Variants in MEF2B observed in about 807,000 individuals in gnomAD.
MEF2B encodes the protein myocyte-specific enhancer factor 2B.
MEF2B carries 15 observed loss-of-function variants against 32.2 expected under a neutral mutation model. That is an observed-to-expected ratio of 0.47 (90% CI 0.31 to 0.72). MEF2B has a LOEUF of 0.72. Among genes scored for constraint, MEF2B ranks in the 30% least tolerant of loss-of-function variants. The probability of loss-of-function intolerance (pLI) is 0.05; values close to 1 mark genes in which losing one functional copy is unlikely to be tolerated. For synonymous variants in MEF2B, 205 were observed against 225.6 expected, an observed-to-expected ratio of 0.91 and a Z score of 0.82; for missense variants, 441 against 511.5, an observed-to-expected ratio of 0.86 and a Z score of 1.33.
intron 1 of MEF2B, among the ~76,000 whole-genome samples, chr19:19,161,198 T>G (rs138593590): frequency 0.014 from 2,104 of 152,146 alleles, 51 homozygotes; most frequent in African/African-American, 0.048. Flanking sequence ...TCAGAAGGCC[T>G]TGGGGTCACC....
chr19:19,153,132 G>GAGC (rs2060096721), intron 1 of MEF2B, among the ~76,000 whole-genome samples: 1 of 152,184 alleles, frequency 6.6e-6, no homozygotes, highest in African/African-American at 2.4e-5. Context: ...GGTCCCACGA[G>GAGC]AGCAGCAGCA....
chr19:19,166,152 T>A (rs147041533), intron 1 of MEF2B, among the ~76,000 whole-genome samples: 1 of 152,020 alleles, frequency 6.6e-6, no homozygotes, highest in Non-Finnish European at 1.5e-5. Flanking sequence ...GACCTCCAGA[T>A]CCCCACCCAA....
At chr19:19,156,415 T>A (rs1255573032) in intron 1 of MEF2B, among the ~76,000 whole-genome samples, 1 of 151,812 alleles carries the variant, frequency 6.6e-6, no homozygotes, top group Non-Finnish European at 1.5e-5. Flanking sequence ...ATTTTTTTTT[T>A]AAAGGCAATA....
At chr19:19,148,390 G>A (rs553090285) in intron 3 of MEF2B, among the ~76,000 whole-genome samples, 88 of 152,306 alleles carry the variant, frequency 5.8e-4, no homozygotes, top group Non-Finnish European at 1.1e-3. Flanking sequence ...ACTTGAATCC[G>A]AGAGGCGGAG....
chr19:19,154,158 T>C (rs1283930252), intron 1 of MEF2B, among the ~76,000 whole-genome samples: 1 of 152,000 alleles, frequency 6.6e-6, no homozygotes, highest in Non-Finnish European at 1.5e-5. Flanking sequence ...TTTTATTTTT[T>C]ATTTTTAATA....
At chr19:19,150,134 AGGAGGGAAGGAG>A (rs1310673459) in intron 2 of MEF2B, among the ~76,000 whole-genome samples, 12 of 124,612 alleles carry the variant, frequency 9.6e-5, no homozygotes, top group African/African-American at 1.5e-4. Flanking sequence ...GATGGAAGGA[AGGAGGGAAGGAG>A]GGAGGGAAGG....
intron 1 of MEF2B, among the ~76,000 whole-genome samples, chr19:19,159,442 C>T (rs2060143409): frequency 6.6e-6 from 1 of 151,694 alleles, no homozygotes; most frequent in Admixed American, 6.6e-5. Flanking sequence ...AAGCTCCTTG[C>T]TGCTTATGGC....
chr19:19,159,160 C>T (rs1017448942), intron 1 of MEF2B, among the ~76,000 whole-genome samples: 2 of 150,150 alleles, frequency 1.3e-5, no homozygotes, highest in African/African-American at 4.9e-5. Flanking sequence ...AGACTGGTCT[C>T]GACCTCCTGA....
At chr19:19,167,852 G>A (rs916509632) in intron 1 of MEF2B, among the ~76,000 whole-genome samples, 1 of 152,144 alleles carries the variant, frequency 6.6e-6, no homozygotes, top group African/African-American at 2.4e-5. Flanking sequence ...CTGTTCTCTT[G>A]GGGGACTGAG....
intron 1 of MEF2B, among the ~76,000 whole-genome samples, chr19:19,160,881 C>T (rs1052267127): frequency 6.6e-6 from 1 of 152,202 alleles, no homozygotes; most frequent in African/African-American, 2.4e-5. Context: ...CAGCCAGAGC[C>T]CTGGGCCCGC....
chr19:19,159,875 G>A (rs1233189370), intron 1 of MEF2B, among the ~76,000 whole-genome samples: 3 of 151,850 alleles, frequency 2.0e-5, no homozygotes, highest in Middle Eastern at 3.2e-3. Flanking sequence ...GCCTCTCTGC[G>A]TGGTAGGACT....
intron 1 of MEF2B, among the ~76,000 whole-genome samples, chr19:19,151,958 A>T (rs868148250): frequency 7.3e-4 from 85 of 116,508 alleles, no homozygotes; most frequent in Admixed American, 9.2e-4. Context: ...CCCCATCTCT[A>T]TTTTTTTTTT....
intron 1 of MEF2B, among the ~76,000 whole-genome samples, chr19:19,166,855 G>C (rs1434120315): frequency 6.6e-6 from 1 of 152,172 alleles, no homozygotes; most frequent in Non-Finnish European, 1.5e-5. Flanking sequence ...CTTGAGCCCA[G>C]GAGTTCGAGA....
At chr19:19,156,225 T>C (rs1305360466) in intron 1 of MEF2B, among the ~76,000 whole-genome samples, 5 of 151,972 alleles carry the variant, frequency 3.3e-5, no homozygotes, top group African/African-American at 9.7e-5. Context: ...CCAACAACCA[T>C]AGAAGATTAG....
intron 1 of MEF2B, among the ~76,000 whole-genome samples, chr19:19,168,150 TC>T (rs2060224154): frequency 6.6e-6 from 1 of 152,194 alleles, no homozygotes; most frequent in African/African-American, 2.4e-5. Context: ...TTTCCTTCAC[TC>T]CAAGAGTCTG....
chr19:19,146,695 C>T lies in MEF2B; in HGVS notation c.675+47G>A, dbSNP rs371335469. 1.3e-5 allele frequency: 21 copies of T among 1,613,430 alleles called. No homozygotes were observed. The African/African-American group carries it at 1.7e-4, about 13-fold the overall frequency. On this transcript the variant is annotated intron_variant, in intron 6 of 8. Coordinates refer to ENST00000424583, the MANE Select transcript of MEF2B (RefSeq NM_001145785.2). ...GGGAAACTGAGGCCCACACCCAGGTCGCCCTGCCTGCCCTCATCAGCCCTG... is the reference window on the plus strand; with the variant it reads ...GGGAAACTGAGGCCCACACCCAGGTTGCCCTGCCTGCCCTCATCAGCCCTG...
intron 1 of MEF2B, 38 bp from the exon 2 acceptor site, chr19:19,150,802 G>A (rs1296094616): frequency 1.2e-6 from 2 of 1,611,130 alleles, no homozygotes; most frequent in Non-Finnish European, 1.7e-6. Context: ...GTGAGTGGGT[G>A]GAGAGTGGGG....
chr19:19,153,326 G>C lies in MEF2B; in HGVS notation c.-29-2562C>G, dbSNP rs1166802991. 2.6e-5 allele frequency among the ~76,000 whole-genome samples: 4 copies of C among 152,310 alleles called. No homozygotes were observed. In the South Asian group the frequency reaches 8.3e-4, roughly 32 times the overall value. On this transcript the variant is annotated intron_variant, in intron 1 of 8. Transcript: ENST00000424583. Reference sequence around the variant, plus strand: ...GAGCTGAGATAGAAAGTGAGTTCCAGGCAGAAGGAAGAGCAGGTGCCAGGG... The same window carrying C: ...GAGCTGAGATAGAAAGTGAGTTCCACGCAGAAGGAAGAGCAGGTGCCAGGG...
At chr19:19,157,821 C>A (rs1013082335) in intron 1 of MEF2B, among the ~76,000 whole-genome samples, 1 of 152,164 alleles carries the variant, frequency 6.6e-6, no homozygotes, top group African/African-American at 2.4e-5. Context: ...GCACTCCAGC[C>A]TGGGCGACAG....
Sources: allele counts gnomAD v4.1 joint callset (sites outside exome capture counted in the v4.1 genomes callset), GRCh38; gene constraint gnomAD v4.1.1; transcripts MANE v1.5; gene names NCBI Gene and HGNC (gene_info 2026-07-23, HGNC 2026-07-21).